DOCK4: variants seen among roughly 807,000 people sequenced by gnomAD.
DOCK4 encodes the protein dedicator of cytokinesis protein 4.
DOCK4 carries 97 observed loss-of-function variants against 268.1 expected under a neutral mutation model. The observed-to-expected ratio is 0.36, with a 90% CI of 0.31 to 0.43. The LOEUF (loss-of-function observed/expected upper bound fraction) is 0.43. Among genes scored for constraint, DOCK4 ranks in the 20% least tolerant of loss-of-function variants. The probability of loss-of-function intolerance (pLI) is 1.00; values close to 1 mark genes in which losing one functional copy is unlikely to be tolerated. For synonymous variants in DOCK4, 954 were observed against 887.2 expected (o/e 1.08, Z -1.34); for missense variants, 2,145 against 2,455.7 (o/e 0.87, Z 2.67).
intron 16 of DOCK4, among the ~76,000 whole-genome samples, chr7:111,894,221 C>CAA (rs10699402): frequency 0.02 from 2,849 of 139,982 alleles, 59 homozygotes; most frequent in African/African-American, 0.048. Flanking sequence ...GACTCCATCT[C>CAA]AAAAAAAAAA....
chr7:112,104,617 G>C (rs1049968125), intron 1 of DOCK4, among the ~76,000 whole-genome samples: 1 of 152,268 alleles, frequency 6.6e-6, no homozygotes, highest in African/African-American at 2.4e-5. Flanking sequence ...GTATTGGAGA[G>C]CATAATTTGA....
intron 22 of DOCK4, among the ~76,000 whole-genome samples, chr7:111,865,201 G>A (rs1805871876): frequency 6.6e-6 from 1 of 152,210 alleles, no homozygotes; most frequent in Non-Finnish European, 1.5e-5. Flanking sequence ...GCAGGTGTGT[G>A]TCCATGAAAT....
At chr7:112,056,171 G>C (rs938326678) in intron 1 of DOCK4, among the ~76,000 whole-genome samples, 5 of 152,104 alleles carry the variant, frequency 3.3e-5, no homozygotes, top group Non-Finnish European at 7.3e-5. Flanking sequence ...CCCCTTTCAA[G>C]AAGAGCAGCT....
At chr7:112,109,278 C>CA (rs1199447557) in intron 1 of DOCK4, among the ~76,000 whole-genome samples, 1 of 152,100 alleles carries the variant, frequency 6.6e-6, no homozygotes, top group African/African-American at 2.4e-5. Context: ...AACAAACACA[C>CA]AAAAAACCTT....
intron 49 of DOCK4, 26 bp downstream of exon 49, chr7:111,739,108 T>C: frequency 6.3e-7 from 1 of 1,582,580 alleles, no homozygotes. Flanking sequence ...CCTTGTTTTC[T>C]AGTTTCTCTA....
In DOCK4 at chr7:111,900,503, C is replaced by T. The variant is rs748402542; in HGVS notation, c.1351G>A (p.Ala451Thr). ...AGCACAAAGGAGTGGTACTCACTGGCTGGTGGCTCCCCAGAGCCGAAGGAG... is the reference window on the plus strand; with the variant it reads ...AGCACAAAGGAGTGGTACTCACTGGTTGGTGGCTCCCCAGAGCCGAAGGAG... ...FISFGSGEPP[A>T]SEYHSFVLYH... The change falls in exon 15 of 53, where the codon GCC becomes ACC. Residue 451 changes from alanine to threonine, a missense_variant. Physicochemically the swap from Ala to Thr is moderately conservative, Grantham distance 58. This residue lies in a region of DOCK4 where 1,598 missense variants were observed against 1,986.7 expected (regional missense o/e 0.80). Transcript: ENST00000428084. 3.7e-6 allele frequency: 6 copies of T among 1,612,570 alleles called. No homozygotes were observed. Among genetic ancestry groups the T allele is most frequent in the Non-Finnish European group, 5.1e-6 (6 of 1,179,378 alleles).
intron 1 of DOCK4, among the ~76,000 whole-genome samples, chr7:112,140,415 A>T (rs1039255160): frequency 6.6e-6 from 1 of 152,186 alleles, no homozygotes; most frequent in Non-Finnish European, 1.5e-5. Flanking sequence ...TTCTGAGATT[A>T]AAACTGTGAG....
chr7:111,786,081 T>C (rs563777304), intron 32 of DOCK4, among the ~76,000 whole-genome samples: 5 of 152,320 alleles, frequency 3.3e-5, no homozygotes, highest in Non-Finnish European at 7.4e-5. Context: ...GTTAGAGATG[T>C]AAGGTATGGT....
At chr7:111,917,563 C>T (rs890718709) in intron 12 of DOCK4, among the ~76,000 whole-genome samples, 4 of 151,676 alleles carry the variant, frequency 2.6e-5, no homozygotes, top group Non-Finnish European at 4.4e-5. Context: ...AAAATTAGCC[C>T]AGCGTGGTGG....
At chr7:112,170,886 A>T (rs1388399157) in intron 1 of DOCK4, among the ~76,000 whole-genome samples, 1 of 152,196 alleles carries the variant, frequency 6.6e-6, no homozygotes, top group Non-Finnish European at 1.5e-5. Context: ...AAAAAATTGC[A>T]CTTTTAGTGC....
chr7:112,033,550 C>T (rs1803469734), intron 1 of DOCK4, among the ~76,000 whole-genome samples: 1 of 152,202 alleles, frequency 6.6e-6, no homozygotes, highest in African/African-American at 2.4e-5. Flanking sequence ...AAAACTCAAA[C>T]CTTACCCTCT....
At chr7:111,871,223 A>G (rs1411534021) in intron 20 of DOCK4, among the ~76,000 whole-genome samples, 1 of 152,208 alleles carries the variant, frequency 6.6e-6, no homozygotes. Context: ...TATAAGGTAG[A>G]AATATGGGAG....
intron 21 of DOCK4, among the ~76,000 whole-genome samples, chr7:111,868,471 G>C (rs1256980098): frequency 6.6e-6 from 1 of 152,176 alleles, no homozygotes; most frequent in Non-Finnish European, 1.5e-5. Context: ...AGCACTTTGG[G>C]AGGCCGAGGC....
In DOCK4 at chr7:111,769,292, C is replaced by T. The variant is rs941187086; in HGVS notation, c.3828+237G>A. Among the ~76,000 whole-genome samples, 4 of 152,290 alleles carry T rather than the reference C, an allele frequency of 2.6e-5. 1 individual carries two copies. The highest frequency in any genetic ancestry group is 2.4e-5 in the African/African-American group (1 of 41,564). ...TTGTTAAAATCACAGATTCCCCAGC[C>T]TCATGCCAGACAAGGCACGAATCAG... is the stretch of plus-strand genomic sequence containing the variant. On this transcript the variant is annotated intron_variant, in intron 37 of 52. Transcript: ENST00000428084.
intron 16 of DOCK4, among the ~76,000 whole-genome samples, chr7:111,893,120 A>G (rs1219882269): frequency 1.3e-5 from 2 of 152,178 alleles, no homozygotes; most frequent in East Asian, 1.9e-4. Flanking sequence ...AAGAGCTACA[A>G]CTGAGTCAAA....
At chr7:111,783,802 TC>T in intron 34 of DOCK4, 54 bp downstream of exon 34, 1 of 1,446,312 alleles carries the variant, frequency 6.9e-7, no homozygotes, top group Middle Eastern at 1.7e-4. Context: ...TATTTGATTT[TC>T]TAACTGGAGT....
intron 8 of DOCK4, among the ~76,000 whole-genome samples, chr7:111,952,837 T>C (rs972336513): frequency 6.6e-6 from 1 of 152,194 alleles, no homozygotes; most frequent in African/African-American, 2.4e-5. Context: ...AAAACAACTG[T>C]CATTTTTTTT....
chr7:112,022,112 T>G (rs1802369444), intron 1 of DOCK4, among the ~76,000 whole-genome samples: 1 of 152,236 alleles, frequency 6.6e-6, no homozygotes, highest in Non-Finnish European at 1.5e-5. Flanking sequence ...CCTTTTCCCC[T>G]TCACATGCAA....
chr7:112,043,469 C>A (rs912357107), intron 1 of DOCK4, among the ~76,000 whole-genome samples: 6 of 150,138 alleles, frequency 4.0e-5, no homozygotes, highest in African/African-American at 9.8e-5. Context: ...CAAGACATTG[C>A]CTAAAATGTT....
Sources: gnomAD v4.1 joint callset for allele counts (sites outside exome capture counted in the v4.1 genomes callset) on GRCh38, gnomAD v4.1.1 for gene constraint, gnomAD v4.1.1 regional missense constraint, MANE v1.5 for transcripts, NCBI Gene and HGNC (gene_info 2026-07-23, HGNC 2026-07-21) for gene names.